The following PKD1L3 variants were observed in gnomAD, a reference collection of about 807,000 sequenced individuals.
PKD1L3 encodes polycystin 1 like 3, transient receptor potential channel interacting.
A neutral mutation model predicts 184.1 loss-of-function variants in PKD1L3; 239 were observed. The observed-to-expected ratio is 1.30, with a 90% CI of 1.17 to 1.45. The LOEUF is 1.45. Among genes scored for constraint, PKD1L3 ranks in the 40% most tolerant of loss-of-function variants. The probability of loss-of-function intolerance (pLI) is 0.00; values close to 1 mark genes in which losing one functional copy is unlikely to be tolerated. For missense variants in PKD1L3, 2,660 were observed against 2,067.2 expected, an observed-to-expected ratio of 1.29 and a Z score of -5.56; for synonymous variants, 996 against 778.8, an observed-to-expected ratio of 1.28 and a Z score of -4.64.
intron 2 of PKD1L3, among the ~76,000 whole-genome samples, chr16:71,994,066 G>T (rs961075381): frequency 6.6e-6 from 1 of 152,152 alleles, no homozygotes; most frequent in African/African-American, 2.4e-5. Flanking sequence ...CACCACGCCC[G>T]TCTGGCAATA....
chr16:71,966,963 C>G (rs1567523177), intron 15 of PKD1L3, among the ~76,000 whole-genome samples, 174 bp downstream of exon 15: 1 of 152,174 alleles, frequency 6.6e-6, no homozygotes, highest in East Asian at 1.9e-4. Context: ...CATTGTTAAT[C>G]TCTCACACTT....
intron 2 of PKD1L3, among the ~76,000 whole-genome samples, chr16:71,997,752 A>AAAATAAATAAATAAATAAATAAAT (rs58522217): frequency 6.9e-6 from 1 of 145,632 alleles, no homozygotes; most frequent in Non-Finnish European, 1.5e-5. Context: ...CAGTCTTGGA[A>AAAATAAATAAATAAATAAATAAAT]AAATAAATAA....
chr16:71,976,755 C>A (rs1161896157), intron 11 of PKD1L3, among the ~76,000 whole-genome samples: 1 of 152,146 alleles, frequency 6.6e-6, no homozygotes, highest in Non-Finnish European at 1.5e-5. Flanking sequence ...CCTGTCTCCA[C>A]TTTTTGAGAC....
At chr16:71,971,008 T>C (rs987862383) in intron 12 of PKD1L3, among the ~76,000 whole-genome samples, 5 of 152,184 alleles carry the variant, frequency 3.3e-5, no homozygotes. Flanking sequence ...TGTCAGTTCA[T>C]GAGGCGATTG....
chr16:71,988,299 A>G (rs2040452588), intron 4 of PKD1L3, among the ~76,000 whole-genome samples: 1 of 152,128 alleles, frequency 6.6e-6, no homozygotes, highest in Admixed American at 6.5e-5. Flanking sequence ...GGTTCAAGGA[A>G]TTCTTCTGCC....
chr16:71,943,569 C>A (rs1027068954), intron 23 of PKD1L3, among the ~76,000 whole-genome samples: 1 of 146,800 alleles, frequency 6.8e-6, no homozygotes, highest in African/African-American at 2.5e-5. Context: ...CATAAAATCC[C>A]GCACAAGAAA....
intron 22 of PKD1L3, 72 bp downstream of exon 22, chr16:71,947,420 C>T (rs1354126250): frequency 6.2e-6 from 6 of 974,164 alleles, no homozygotes; most frequent in African/African-American, 1.6e-5. Context: ...GTTAATTTAT[C>T]GAGTCAGCAA....
At chr16:71,993,183 A>C in intron 3 of PKD1L3, 33 bp downstream of exon 3, 1 of 1,419,792 alleles carries the variant, frequency 7.0e-7, no homozygotes, top group Non-Finnish European at 9.6e-7. Context: ...GATTCCACGG[A>C]TTTTTAAGGT....
chr16:71,953,451 G>A (rs886352216), intron 17 of PKD1L3, among the ~76,000 whole-genome samples: 3 of 152,076 alleles, frequency 2.0e-5, no homozygotes, highest in Non-Finnish European at 4.4e-5. Flanking sequence ...ATGGCAGGAG[G>A]TGAAGAGGAA....
chr16:71,931,637 GT>G (rs1465423281), intron 28 of PKD1L3, among the ~76,000 whole-genome samples: 2 of 151,634 alleles, frequency 1.3e-5, no homozygotes, highest in Non-Finnish European at 2.9e-5. Context: ...GCTAATTTTT[GT>G]ATTTTAGTAG....
Position 71,967,138 on chromosome 16 carries a change from A to G in PKD1L3, c.2464T>C (p.Trp822Arg). ...WHDNSGVSPS[W>R]YVSQVIVCDM... ...AGCCAACAGGATATAAGTACTCACC[A>G]GGAGGGACTGACGCCAGAATTGTCA... Residue 822 changes from tryptophan to arginine, a missense_variant and splice_region_variant, in exon 15 of 30, where the codon TGG becomes CGG. Physicochemically the swap from Trp to Arg is moderately radical, Grantham distance 101. Coordinates refer to ENST00000620267, the MANE Select transcript of PKD1L3 (RefSeq NM_181536.2). The G allele has an allele frequency of 6.4e-7, 1 of 1,551,476 alleles. No individual in the cohort carries two copies.
At position 71,977,427 on chromosome 16, in the gene PKD1L3, G is replaced by T. The variant is rs941263079; in HGVS notation, c.1568C>A (p.Thr523Asn). 1 of 1,551,564 alleles carries T rather than the reference G, an allele frequency of 6.4e-7. No homozygotes were observed. The highest frequency in any genetic ancestry group is 2.4e-5 in the East Asian group (1 of 40,924). Residue 523 changes from threonine (T) to asparagine (N), a missense_variant, in exon 11 of 30, where the codon ACC (threonine) becomes AAC (asparagine). Transcript: ENST00000620267. ...WRNVSLETHP[T>N]SLNMSTHQLT... The stretch of plus-strand genomic sequence containing the variant: ...CTGATGTGTGCTCATGTTGAGGCTG[G>T]TGGGATGGGTTTCCAAGCTAACATT...
intron 25 of PKD1L3, among the ~76,000 whole-genome samples, chr16:71,936,655 A>G (rs1358253114): frequency 6.8e-6 from 1 of 147,836 alleles, no homozygotes; most frequent in Admixed American, 6.7e-5. Flanking sequence ...GCCCGGCTAA[A>G]TTTGTATTTT....
intron 16 of PKD1L3, among the ~76,000 whole-genome samples, chr16:71,961,208 C>G (rs1225770709): frequency 6.6e-6 from 1 of 152,064 alleles, no homozygotes; most frequent in Non-Finnish European, 1.5e-5. Context: ...CTCACTGCAG[C>G]CTTGACCTCC....
intron 16 of PKD1L3, among the ~76,000 whole-genome samples, 173 bp downstream of exon 16, chr16:71,963,030 TTC>T (rs1255717430): frequency 1.3e-5 from 2 of 152,224 alleles, no homozygotes; most frequent in African/African-American, 4.8e-5. Context: ...TTTGTCTTCC[TTC>T]TGATTTTTAA....
At position 71,935,522 on chromosome 16, in the gene PKD1L3, A is replaced by C; in HGVS notation, c.4453-4T>G. The stretch of plus-strand genomic sequence containing the variant: ...TCTGCTGTTTCAGCTGACAACCCTA[A>C]ACATAGACAGCACAGTCACTGTTGC... On this transcript the variant is annotated splice_polypyrimidine_tract_variant and splice_region_variant and intron_variant, in intron 25 of 29. Transcript: ENST00000620267. The C allele has an allele frequency of 6.4e-7, 1 of 1,551,702 alleles. No homozygotes were observed. Among genetic ancestry groups the C allele is most frequent in the African/African-American group, 1.4e-5 (1 of 73,140 alleles).
intron 11 of PKD1L3, among the ~76,000 whole-genome samples, chr16:71,975,601 C>T (rs1240611534): frequency 6.6e-6 from 1 of 152,158 alleles, no homozygotes; most frequent in Admixed American, 6.5e-5. Context: ...TGGGTCTCAA[C>T]ATGTTATTAT....
chr16:71,995,466 C>T (rs1445878011), intron 2 of PKD1L3, among the ~76,000 whole-genome samples: 1 of 152,080 alleles, frequency 6.6e-6, no homozygotes, highest in Non-Finnish European at 1.5e-5. Flanking sequence ...CATAGGTAAC[C>T]ATTTTCATTA....
At chr16:71,989,880 G>A (rs780633362) in intron 4 of PKD1L3, among the ~76,000 whole-genome samples, 2 of 152,032 alleles carry the variant, frequency 1.3e-5, no homozygotes, top group Non-Finnish European at 2.9e-5. Flanking sequence ...TTTGAGACCA[G>A]CCTGGCCAAC....
Sources: allele counts gnomAD v4.1 joint callset (sites outside exome capture counted in the v4.1 genomes callset), GRCh38; gene constraint gnomAD v4.1.1; transcripts MANE v1.5; gene names NCBI Gene and HGNC (gene_info 2026-07-23, HGNC 2026-07-21).